Variants in STPG2 observed in about 807,000 individuals in gnomAD.
The protein encoded by STPG2 is sperm-tail PG-rich repeat-containing protein 2.
A neutral mutation model predicts 54.2 loss-of-function variants in STPG2; 56 were observed. That is an observed-to-expected ratio of 1.03 (90% confidence interval 0.83 to 1.29). The LOEUF (loss-of-function observed/expected upper bound fraction) is 1.29, where lower values mean the gene tolerates loss of function less well. Ranked by LOEUF, STPG2 falls within the 50% of genes most tolerant of loss-of-function variation. The pLI is 0.00. For synonymous variants in STPG2, 200 were observed against 181.8 expected (o/e 1.10, Z -0.81); for missense variants, 596 against 544.9 (o/e 1.09, Z -0.93).
intron 9 of STPG2, among the ~76,000 whole-genome samples, chr4:97,839,980 A>C (rs905983811): frequency 2.0e-5 from 3 of 151,566 alleles, no homozygotes; most frequent in African/African-American, 7.3e-5. Flanking sequence ...CCTGTTCTCT[A>C]TCTAGTTTTC....
chr4:97,804,417 TAAC>T (rs879521063), intron 9 of STPG2, among the ~76,000 whole-genome samples: 2 of 152,078 alleles, frequency 1.3e-5, no homozygotes, highest in African/African-American at 2.4e-5. Context: ...TCTTAGTTTT[TAAC>T]AACAACAACA....
intron 3 of STPG2, among the ~76,000 whole-genome samples, chr4:98,123,115 CTATCTATTTTATTAATTTCAAAA>C (rs1739728356): frequency 6.6e-6 from 1 of 151,968 alleles, no homozygotes; most frequent in Non-Finnish European, 1.5e-5. Context: ...AGTTATCAGT[CTATCTATTTTATTAATTTCAAAA>C]AATAGCTTCT....
chr4:98,090,051 T>G lies in STPG2; in HGVS notation c.612+15902A>C, dbSNP rs938078143. 6.6e-5 allele frequency among the ~76,000 whole-genome samples: 10 copies of G among 152,328 alleles called. No individual in the cohort carries two copies. In the East Asian group the frequency reaches 1.9e-3, roughly 29 times the overall value. ...TTTGCTGTGCTGAAACTTTTTAGTT[T>G]AATTGGGTCCCATTTATTTATCTTT... is the stretch of plus-strand genomic sequence containing the variant. On this transcript the variant is annotated intron_variant, in intron 5 of 10. Coordinates refer to ENST00000295268, the MANE Select transcript of STPG2 (RefSeq NM_174952.3).
chr4:97,931,070 A>C (rs1732528128), intron 8 of STPG2, among the ~76,000 whole-genome samples: 1 of 152,214 alleles, frequency 6.6e-6, no homozygotes, highest in South Asian at 2.1e-4. Flanking sequence ...CTATTAGCTG[A>C]AGGGGCTTTT....
intron 10 of STPG2, among the ~76,000 whole-genome samples, chr4:97,582,135 C>T (rs1732878111): frequency 1.3e-5 from 2 of 152,010 alleles, no homozygotes; most frequent in Non-Finnish European, 2.9e-5. Flanking sequence ...CCATCTCCTA[C>T]TTCTGCTCTA....
At chr4:97,963,191 AC>A (rs764788708) in intron 7 of STPG2, among the ~76,000 whole-genome samples, 7 of 151,968 alleles carry the variant, frequency 4.6e-5, no homozygotes, top group Non-Finnish European at 1.0e-4. Context: ...AAACAAAAAA[AC>A]AATAATTATT....
intron 8 of STPG2, among the ~76,000 whole-genome samples, chr4:97,865,663 G>T (rs1201105618): frequency 1.3e-5 from 2 of 151,792 alleles, no homozygotes; most frequent in Non-Finnish European, 2.9e-5. Flanking sequence ...AGAACACTTG[G>T]ACTCAGGAAG....
chr4:97,454,854 G>A (rs1729475890), intron 4 of STPG2, among the ~76,000 whole-genome samples: 1 of 152,036 alleles, frequency 6.6e-6, no homozygotes, highest in Non-Finnish European at 1.5e-5. Context: ...AAGAATTCCT[G>A]ACAATGTTTT....
At chr4:97,795,530 C>CT (rs1553914130) in intron 9 of STPG2, among the ~76,000 whole-genome samples, 2 of 152,242 alleles carry the variant, frequency 1.3e-5, no homozygotes, top group Non-Finnish European at 2.9e-5. Context: ...ATGAACTCAT[C>CT]TTTTTTATGG....
chr4:97,566,018 G>T (rs1381176956), intron 10 of STPG2, among the ~76,000 whole-genome samples: 1 of 152,186 alleles, frequency 6.6e-6, no homozygotes, highest in African/African-American at 2.4e-5. Flanking sequence ...CTTTTTGTTT[G>T]TCTGTGCCCT....
chr4:97,612,857 A>G (rs1733765015), intron 10 of STPG2, among the ~76,000 whole-genome samples: 1 of 152,124 alleles, frequency 6.6e-6, no homozygotes, highest in Non-Finnish European at 1.5e-5. Flanking sequence ...AAATGATGTC[A>G]TGAGCCTTAG....
intron 9 of STPG2, among the ~76,000 whole-genome samples, chr4:97,724,681 T>C (rs184906790): frequency 6.6e-6 from 1 of 152,294 alleles, no homozygotes; most frequent in Admixed American, 6.5e-5. Flanking sequence ...TTTCTTCCAA[T>C]ACTTCCTTCT....
intron 8 of STPG2, among the ~76,000 whole-genome samples, chr4:97,870,732 C>T (rs1729953412): frequency 6.6e-6 from 1 of 151,108 alleles, no homozygotes; most frequent in Non-Finnish European, 1.5e-5. Context: ...AGTCATTAAA[C>T]TCAAATATTC....
rs370184122 is a variant in STPG2 at position 97,994,911 on chromosome 4, G to C, written c.613-13593C>G. Among the ~76,000 whole-genome samples the C allele has an allele frequency of 6.5e-4, 99 of 152,222 alleles. 1 individual carries two copies. In the South Asian group the frequency reaches 0.02, roughly 30 times the overall value. On this transcript the variant is annotated intron_variant, in intron 5 of 10. Transcript: ENST00000295268. ...TCAGCTACAAGGGCAGGTAGAGAAA[G>C]ATCATCAGGTTGGGGCAGAGTTAGG... is the stretch of plus-strand genomic sequence containing the variant.
intron 4 of STPG2, among the ~76,000 whole-genome samples, chr4:97,517,978 C>T (rs777870893): frequency 1.2e-4 from 18 of 152,084 alleles, no homozygotes; most frequent in South Asian, 6.2e-4. Flanking sequence ...AAAAATAAGG[C>T]GAATAATAAA....
At chr4:97,851,348 G>A (rs1467690702) in intron 8 of STPG2, among the ~76,000 whole-genome samples, 1 of 152,156 alleles carries the variant, frequency 6.6e-6, no homozygotes, top group Non-Finnish European at 1.5e-5. Context: ...GAGTCTAACA[G>A]TATCTGTCTA....
At chr4:97,517,083 T>A (rs1162860743) in intron 4 of STPG2, among the ~76,000 whole-genome samples, 19 of 151,832 alleles carry the variant, frequency 1.3e-4, no homozygotes, top group African/African-American at 3.9e-4. Flanking sequence ...AATTTTTGTA[T>A]TTTTAGTAAA....
At chr4:97,574,476 A>G (rs1732673031) in intron 10 of STPG2, among the ~76,000 whole-genome samples, 2 of 152,088 alleles carry the variant, frequency 1.3e-5, no homozygotes, top group South Asian at 2.1e-4. Context: ...ACAAAAGAGT[A>G]TGACTTAATG....
chr4:97,787,317 A>G (rs1209238247), intron 9 of STPG2, among the ~76,000 whole-genome samples: 1 of 152,048 alleles, frequency 6.6e-6, no homozygotes. Flanking sequence ...TCTATTCCTA[A>G]TTTGCTGAGA....
Sources: allele counts gnomAD v4.1 joint callset (sites outside exome capture counted in the v4.1 genomes callset), GRCh38; gene constraint gnomAD v4.1.1; transcripts MANE v1.5; gene names NCBI Gene and HGNC (gene_info 2026-07-23, HGNC 2026-07-21).